PKM: variants seen among roughly 807,000 people sequenced by gnomAD.
PKM encodes the protein pyruvate kinase PKM.
A neutral mutation model predicts 49.8 loss-of-function variants in PKM; 18 were observed. The observed-to-expected ratio is 0.36, with a 90% CI of 0.25 to 0.54. The LOEUF (loss-of-function observed/expected upper bound fraction) is 0.54, where lower values mean the gene tolerates loss of function less well. Ranked by LOEUF, PKM falls within the 20% of genes least tolerant of loss-of-function variation. The pLI is 0.89. For synonymous variants in PKM, 239 were observed against 261.8 expected (o/e 0.91, Z 0.84); for missense variants, 508 against 713.8 (o/e 0.71, Z 3.28).
rs1455612743 is a variant in PKM at position 72,227,781 on chromosome 15, A to AAAAAC, written c.-14+3334_-14+3335insGTTTT. On this transcript the variant is annotated intron_variant, in intron 1 of 10. Coordinates refer to ENST00000335181, the MANE Select transcript of PKM (RefSeq NM_002654.6). ...AAAAAAAAAAAAAAAAAAACAAAAA[A>AAAAAC]CTGAAGCAAAATAAACTAAAACCCA... Among the ~76,000 whole-genome samples the AAAAAC allele has an allele frequency of 9.6e-5, 13 of 135,616 alleles. No individual in the cohort carries two copies. The East Asian group carries it at 2.8e-3, about 29-fold the overall frequency. The allele number at this position is 135,616 out of a possible 152,430, so 89.0% of individuals were successfully genotyped here. A position where few individuals can be genotyped will look rare whatever the true frequency, so the allele number is the denominator to read the frequency against.
At chr15:72,214,705 G>T (rs1047107705) in intron 3 of PKM, among the ~76,000 whole-genome samples, 2 of 152,160 alleles carry the variant, frequency 1.3e-5, no homozygotes, top group African/African-American at 4.8e-5. Flanking sequence ...TGAGGCAGAA[G>T]AATCTCTTGA....
chr15:72,200,927 C>T lies in PKM; in HGVS notation c.1308-272G>A. The T allele has an allele frequency of 2.4e-6, 1 of 424,382 alleles. No individual in the cohort carries two copies. The highest frequency in any genetic ancestry group is 3.3e-5 in the South Asian group (1 of 30,484). 26.3% of individuals were successfully genotyped at this position (424,382 alleles called of 1,614,324 possible). ...CAGCAAGATCAGCCTCACCCACTTACCCCACACAGCCCATGGTTGGCAGAA... is the reference window on the plus strand; with the variant it reads ...CAGCAAGATCAGCCTCACCCACTTATCCCACACAGCCCATGGTTGGCAGAA... On this transcript the variant is annotated intron_variant, in intron 9 of 10. Coordinates refer to ENST00000335181, the MANE Select transcript of PKM (RefSeq NM_002654.6). This position sits in a 1 kb window ranked among gnomAD's most constrained non-coding sequence, Gnocchi z 4.6.
chr15:72,224,357 T>C (rs1050302447), intron 1 of PKM, among the ~76,000 whole-genome samples: 1 of 152,042 alleles, frequency 6.6e-6, no homozygotes, highest in Non-Finnish European at 1.5e-5. Context: ...CTCAGCAAAG[T>C]GAGGCACTGG....
intron 1 of PKM, among the ~76,000 whole-genome samples, chr15:72,226,874 C>T (rs2082685091): frequency 1.3e-5 from 2 of 152,234 alleles, no homozygotes. Flanking sequence ...TTGTTCCCTC[C>T]TACGTGCAGA....
At position 72,210,444 on chromosome 15, in the gene PKM, G is replaced by A. The variant is rs1316999324; in HGVS notation, c.281C>T (p.Ala94Val). The A allele has an allele frequency of 6.2e-7, 1 of 1,614,142 alleles. No homozygotes were observed. ...HAETIKNVRT[A>V]TESFASDPIL... ...GGGGTCAGAAGCAAAGCTTTCCGTG[G>A]CTGTGCGCACATTCTTGATGGTCTC... The change falls in exon 4 of 11, where the codon GCC becomes GTC. Residue 94 changes from alanine (A) to valine (V), a missense_variant. Transcript: ENST00000335181.
chr15:72,205,490 A>C (rs2082048437), intron 8 of PKM, among the ~76,000 whole-genome samples: 1 of 152,218 alleles, frequency 6.6e-6, no homozygotes, highest in Non-Finnish European at 1.5e-5. Context: ...ATCCTTAGTC[A>C]AGTGTGAACT....
intron 8 of PKM, among the ~76,000 whole-genome samples, chr15:72,204,889 T>A (rs1005122068): frequency 1.3e-5 from 2 of 152,126 alleles, no homozygotes; most frequent in Non-Finnish European, 2.9e-5. Flanking sequence ...AGAGAGGGGA[T>A]GTGTGGAGAG....
At chr15:72,207,452 C>A (rs1465421709) in intron 6 of PKM, among the ~76,000 whole-genome samples, 175 bp from the exon 7 acceptor site, 1 of 152,170 alleles carries the variant, frequency 6.6e-6, no homozygotes, top group Non-Finnish European at 1.5e-5. Flanking sequence ...ACCTTAGGCC[C>A]CCAGAGTGGG....
intron 1 of PKM, among the ~76,000 whole-genome samples, chr15:72,226,168 T>C (rs550857710): frequency 6.6e-5 from 10 of 152,372 alleles, no homozygotes; most frequent in Admixed American, 4.6e-4. Flanking sequence ...TTATGTGCCC[T>C]GACTGACTCC....
intron 1 of PKM, among the ~76,000 whole-genome samples, chr15:72,220,300 T>A (rs1026398299): frequency 3.3e-5 from 5 of 152,150 alleles, no homozygotes; most frequent in Admixed American, 1.3e-4. Flanking sequence ...CCCCACCTCA[T>A]CCTAAATCTC....
intron 8 of PKM, among the ~76,000 whole-genome samples, chr15:72,205,224 C>G (rs936617947): frequency 2.0e-5 from 3 of 152,076 alleles, no homozygotes; most frequent in Non-Finnish European, 2.9e-5. Flanking sequence ...AGCGATCCTG[C>G]TGCCCCAGCA....
intron 3 of PKM, among the ~76,000 whole-genome samples, chr15:72,212,756 A>G (rs1346108180): frequency 2.0e-5 from 3 of 152,108 alleles, no homozygotes; most frequent in Admixed American, 2.0e-4. Flanking sequence ...ATATTTAGCT[A>G]TATTTAGGTT....
At chr15:72,215,853 A>G (rs1290484298) in intron 3 of PKM, among the ~76,000 whole-genome samples, 1 of 152,166 alleles carries the variant, frequency 6.6e-6, no homozygotes, top group Non-Finnish European at 1.5e-5. Flanking sequence ...AAGCTAAGCT[A>G]ACACTTAATT....
At chr15:72,218,313 G>C (rs906239525) in intron 2 of PKM, among the ~76,000 whole-genome samples, 4 of 152,028 alleles carry the variant, frequency 2.6e-5, no homozygotes, top group Non-Finnish European at 5.9e-5. Flanking sequence ...TTTTAGTAGA[G>C]ATGGGATTTC....
At chr15:72,212,809 C>G (rs866158855) in intron 3 of PKM, among the ~76,000 whole-genome samples, 4 of 152,132 alleles carry the variant, frequency 2.6e-5, no homozygotes, top group African/African-American at 4.8e-5. Flanking sequence ...CAGTGGCTCA[C>G]GCCTGTAATC....
Position 72,217,341 on chromosome 15 carries a change from G to A in PKM, c.246+68C>T, listed in dbSNP as rs1473024848. On this transcript the variant is annotated intron_variant, in intron 3 of 10. Transcript: ENST00000335181. ...CTTGTCTAGTCCACTGTGGCTAAAC[G>A]AACACTGCACCCCCTCCCTGTTTCC... The A allele has an allele frequency of 8.3e-6, 8 of 959,188 alleles. No homozygotes were observed. The Admixed American group carries it at 8.5e-5, about 10-fold the overall frequency. The allele number at this position is 959,188 out of a possible 1,614,324, so 59.4% of individuals were successfully genotyped here. A position where few individuals can be genotyped will look rare whatever the true frequency, so the allele number is the denominator to read the frequency against.
chr15:72,231,170 C>T lies in PKM; in HGVS notation c.-68G>A. ...GCAAAGACGAAGAGATCCGGAGCCA[C>T]GGCGCGTGCAGCTGCTGTGCAAGGA... On this transcript the variant is annotated 5_prime_UTR_variant, in exon 1 of 11. The change creates a new upstream start codon in the 5' untranslated region. Transcript: ENST00000335181. 3.5e-6 allele frequency: 1 copy of T among 285,026 alleles called. No homozygotes were observed. The highest frequency in any genetic ancestry group is 7.4e-6 in the Non-Finnish European group (1 of 135,378). The allele number at this position is 285,026 out of a possible 1,614,324, so 17.7% of individuals were successfully genotyped here.
chr15:72,225,332 TA>T (rs35494718), intron 1 of PKM, among the ~76,000 whole-genome samples: 30,304 of 151,688 alleles, frequency 0.2, 3,256 homozygotes, highest in East Asian at 0.41. Flanking sequence ...ACCTCCATCT[TA>T]AACTTTTTTT....
intron 1 of PKM, among the ~76,000 whole-genome samples, chr15:72,227,243 A>C (rs1454652552): frequency 6.6e-6 from 1 of 152,258 alleles, no homozygotes; most frequent in Non-Finnish European, 1.5e-5. Context: ...CATACCAAAT[A>C]AACCAATCTC....
Sources: allele counts gnomAD v4.1 joint callset (sites outside exome capture counted in the v4.1 genomes callset), GRCh38; gene constraint gnomAD v4.1.1; non-coding constraint Gnocchi (gnomAD v3.1); transcripts MANE v1.5; gene names NCBI Gene and HGNC (gene_info 2026-07-23, HGNC 2026-07-21).